GALNT1: variants seen among roughly 807,000 people sequenced by gnomAD.
GALNT1 encodes GalNAc transferase 1.
A neutral mutation model predicts 65.7 loss-of-function variants in GALNT1; 17 were observed. That is an observed-to-expected ratio of 0.26 (90% CI 0.18 to 0.39). The LOEUF (loss-of-function observed/expected upper bound fraction) is 0.39. Ranked by LOEUF, GALNT1 falls within the 10% of genes least tolerant of loss-of-function variation. The pLI is 1.00. For synonymous variants in GALNT1, 210 were observed against 219.7 expected (o/e 0.96, Z 0.39); for missense variants, 460 against 672.8 (o/e 0.68, Z 3.50).
chr18:35,704,642 T>TTTTA (rs569215775), intron 11 of GALNT1, among the ~76,000 whole-genome samples: 1 of 150,446 alleles, frequency 6.6e-6, no homozygotes, highest in Non-Finnish European at 1.5e-5. Flanking sequence ...TTATTTTTTA[T>TTTTA]TTTATTTATT....
intron 3 of GALNT1, among the ~76,000 whole-genome samples, chr18:35,676,055 A>C (rs1301066248): frequency 1.3e-5 from 2 of 152,218 alleles, no homozygotes; most frequent in Admixed American, 1.3e-4. Context: ...TGCTGAGGAC[A>C]CATCTTTTCC....
intron 1 of GALNT1, among the ~76,000 whole-genome samples, chr18:35,620,891 G>A (rs1224905986): frequency 6.6e-6 from 1 of 151,822 alleles, no homozygotes; most frequent in African/African-American, 2.4e-5. Context: ...TGAGTGATAG[G>A]GTAGTGCTTT....
At chr18:35,591,896 G>C (rs2046448897) in intron 1 of GALNT1, 2 of 154,382 alleles carry the variant, frequency 1.3e-5, no homozygotes, top group Admixed American at 1.3e-4. Context: ...TCAATCACTT[G>C]ATTTGTAAGG....
intron 1 of GALNT1, among the ~76,000 whole-genome samples, chr18:35,635,011 T>C (rs1336324688): frequency 1.3e-5 from 2 of 152,212 alleles, no homozygotes; most frequent in Non-Finnish European, 2.9e-5. Flanking sequence ...AATTATTTAA[T>C]GGAATCTGTT....
At chr18:35,644,167 C>T (rs998527034) in intron 1 of GALNT1, among the ~76,000 whole-genome samples, 3 of 152,266 alleles carry the variant, frequency 2.0e-5, no homozygotes, top group South Asian at 2.1e-4. Flanking sequence ...CGGGAAATAA[C>T]TACAGAAAGA....
rs79423265 is a variant in GALNT1, at chr18:35,661,499, TA to T, written c.140-2118del. ...TGGGTGACAGAGCGAGACTCTGTCTTAAAAAAAAAAATCAAAAAAAAAAAAT... is the reference window on the plus strand; with the variant it reads ...TGGGTGACAGAGCGAGACTCTGTCTTAAAAAAAAAATCAAAAAAAAAAAAT... On this transcript the variant is annotated intron_variant, in intron 2 of 11. Transcript: ENST00000269195. Among the ~76,000 whole-genome samples the T allele has an allele frequency of 6.8e-3, 959 of 141,046 alleles. 16 individuals are homozygous for T. Among genetic ancestry groups the T allele is most frequent in the African/African-American group, 0.024 (892 of 37,584 alleles). The allele number at this position is 141,046 out of a possible 152,430, so 92.5% of individuals were successfully genotyped here.
At chr18:35,604,357 A>G (rs113591902) in intron 1 of GALNT1, among the ~76,000 whole-genome samples, 2,080 of 152,242 alleles carry the variant, frequency 0.014, 42 homozygotes, top group African/African-American at 0.046. Context: ...TGTCTTTGCT[A>G]TTGTGAGTAG....
chr18:35,666,385 A>AT (rs2047549603), intron 3 of GALNT1, among the ~76,000 whole-genome samples: 1 of 152,162 alleles, frequency 6.6e-6, no homozygotes, highest in Admixed American at 6.5e-5. Context: ...ATTTGTAAAG[A>AT]TTTTTCACAA....
chr18:35,678,365 T>C (rs1000275897), intron 4 of GALNT1, among the ~76,000 whole-genome samples: 1 of 152,172 alleles, frequency 6.6e-6, no homozygotes, highest in African/African-American at 2.4e-5. Context: ...TCTAGGAGTC[T>C]CAGAATTTTT....
At chr18:35,675,260 T>C (rs1054353483) in intron 3 of GALNT1, among the ~76,000 whole-genome samples, 4 of 152,172 alleles carry the variant, frequency 2.6e-5, no homozygotes, top group Admixed American at 2.6e-4. Flanking sequence ...TAGGGGTGTG[T>C]GTTTGTGTGT....
At chr18:35,636,554 A>G (rs879283392) in intron 1 of GALNT1, among the ~76,000 whole-genome samples, 2 of 152,116 alleles carry the variant, frequency 1.3e-5, no homozygotes, top group Non-Finnish European at 2.9e-5. Flanking sequence ...CTTAATTGAT[A>G]TTTCTCTTTG....
upstream of GALNT1, among the ~76,000 whole-genome samples, chr18:35,581,566 C>CAG (rs2046314457): frequency 0.02 from 3 of 150 alleles, no homozygotes; most frequent in African/African-American, 0.062. Context: ...GCGCGACGAG[C>CAG]CCCAAGTGAG....
chr18:35,626,666 T>C (rs2046921280), intron 1 of GALNT1, among the ~76,000 whole-genome samples: 1 of 152,186 alleles, frequency 6.6e-6, no homozygotes, highest in Admixed American at 6.5e-5. Flanking sequence ...AGGTCTGGTC[T>C]TAGGGTTGGT....
intron 1 of GALNT1, among the ~76,000 whole-genome samples, chr18:35,582,541 T>C (rs1217479575): frequency 1.3e-5 from 2 of 152,236 alleles, no homozygotes. Context: ...CTTGTCCTCA[T>C]TCTCAAAGCC....
At chr18:35,668,568 T>G (rs1003666599) in intron 3 of GALNT1, among the ~76,000 whole-genome samples, 1 of 152,124 alleles carries the variant, frequency 6.6e-6, no homozygotes, top group Non-Finnish European at 1.5e-5. Flanking sequence ...TTTAAAATAG[T>G]CAAACTCGTA....
At chr18:35,640,961 A>C (rs1158595331) in intron 1 of GALNT1, among the ~76,000 whole-genome samples, 3 of 152,230 alleles carry the variant, frequency 2.0e-5, no homozygotes, top group Non-Finnish European at 4.4e-5. Flanking sequence ...AGATTTTCTT[A>C]AAACATAGAA....
At chr18:35,581,681 G>GGGC (rs1272921595), upstream of GALNT1, 1 of 1,310 alleles carries the variant, frequency 7.6e-4, no homozygotes, top group African/African-American at 3.3e-3. Flanking sequence ...GGAGGCGGGG[G>GGGC]CGGGCGCGGC....
intron 5 of GALNT1, among the ~76,000 whole-genome samples, chr18:35,684,516 G>A (rs757357588): frequency 2.0e-5 from 3 of 152,072 alleles, no homozygotes; most frequent in East Asian, 1.9e-4. Context: ...ATATTTGCTC[G>A]CCTGAAGATA....
At chr18:35,664,078 C>T (rs1390637361) in intron 3 of GALNT1, 6 of 371,020 alleles carry the variant, frequency 1.6e-5, no homozygotes, top group African/African-American at 1.1e-4. Context: ...TACTCACATA[C>T]TCAACTTTTT....
Sources: allele counts gnomAD v4.1 joint callset (sites outside exome capture counted in the v4.1 genomes callset), GRCh38; gene constraint gnomAD v4.1.1; transcripts MANE v1.5; gene names NCBI Gene and HGNC (gene_info 2026-07-23, HGNC 2026-07-21).